TMEM267: variants seen among roughly 807,000 people sequenced by gnomAD.
TMEM267 encodes transmembrane protein 267.
In TMEM267, 20 loss-of-function variants were observed where a neutral mutation model predicts 19.3. The observed-to-expected ratio is 1.04, with a 90% CI of 0.73 to 1.51. The LOEUF (loss-of-function observed/expected upper bound fraction) is 1.51, where lower values mean the gene tolerates loss of function less well. Ranked by LOEUF, TMEM267 falls within the 40% of genes most tolerant of loss-of-function variation. The pLI is 0.00. For synonymous variants in TMEM267, 88 were observed against 90.3 expected, an observed-to-expected ratio of 0.97 and a Z score of 0.15; for missense variants, 242 against 261.9, an observed-to-expected ratio of 0.92 and a Z score of 0.52.
chr5:43,478,064 C>A (rs1744533166), intron 1 of TMEM267, among the ~76,000 whole-genome samples: 1 of 152,190 alleles, frequency 6.6e-6, no homozygotes, highest in Non-Finnish European at 1.5e-5. Flanking sequence ...TGGGTTCTAT[C>A]TTCCTTCACA....
At chr5:43,462,480 T>G (rs1743327679) in intron 1 of TMEM267, among the ~76,000 whole-genome samples, 1 of 152,114 alleles carries the variant, frequency 6.6e-6, no homozygotes, top group Admixed American at 6.6e-5. Flanking sequence ...GATATGTGAC[T>G]TTTCAGACAG....
intron 1 of TMEM267, among the ~76,000 whole-genome samples, chr5:43,454,786 C>T (rs529888848): frequency 6.6e-6 from 1 of 152,272 alleles, no homozygotes; most frequent in South Asian, 2.1e-4. Context: ...ATTTCTGATG[C>T]CTTGAACCAA....
Position 43,446,249 on chromosome 5 carries a change from T to C in TMEM267, c.621A>G (p.Ser207=), listed in dbSNP as rs1742228304. ...AGACATCAATACGAACTCCATGTTTTGAAGACATCATTTGTCTGGTTCCTG... is the reference window on the plus strand; with the variant it reads ...AGACATCAATACGAACTCCATGTTTCGAAGACATCATTTGTCTGGTTCCTG... The part of the protein sequence containing the change: ...YLTGTRQMMS[S]KHGVRIDV The change falls in exon 3 of 3, where the codon TCA becomes TCG. Residue 207 remains serine, a synonymous_variant. Transcript: ENST00000397080. 2 of 1,612,740 alleles carry C rather than the reference T, an allele frequency of 1.2e-6. No individual in the cohort carries two copies. The highest frequency in any genetic ancestry group is 1.7e-6 in the Non-Finnish European group (2 of 1,178,920).
intron 1 of TMEM267, among the ~76,000 whole-genome samples, chr5:43,454,786 C>G (rs529888848): frequency 3.3e-5 from 5 of 152,156 alleles, no homozygotes; most frequent in African/African-American, 9.6e-5. Context: ...ATTTCTGATG[C>G]CTTGAACCAA....
intron 1 of TMEM267, among the ~76,000 whole-genome samples, chr5:43,465,343 G>C (rs1743586502): frequency 6.6e-6 from 1 of 152,158 alleles, no homozygotes; most frequent in Admixed American, 6.5e-5. Flanking sequence ...GGAGAAATAG[G>C]GACACTTTTA....
chr5:43,476,546 A>G (rs1034774640), intron 1 of TMEM267, among the ~76,000 whole-genome samples: 1 of 132,162 alleles, frequency 7.6e-6, no homozygotes, highest in Non-Finnish European at 1.6e-5. Flanking sequence ...TTGCATAAGA[A>G]GACAACACTG....
At chr5:43,463,082 T>G (rs1000550329) in intron 1 of TMEM267, among the ~76,000 whole-genome samples, 3 of 151,680 alleles carry the variant, frequency 2.0e-5, no homozygotes, top group Non-Finnish European at 2.9e-5. Context: ...ATCAAATAGA[T>G]GCAATAAAAA....
intron 1 of TMEM267, among the ~76,000 whole-genome samples, chr5:43,459,627 GATAAA>G (rs923404618): frequency 7.2e-5 from 11 of 152,078 alleles, no homozygotes; most frequent in African/African-American, 2.7e-4. Flanking sequence ...AACTGAAAAG[GATAAA>G]ATATTCACAT....
intron 1 of TMEM267, among the ~76,000 whole-genome samples, chr5:43,482,713 T>C (rs6451706): frequency 0.61 from 93,034 of 152,032 alleles, 31,171 homozygotes; most frequent in African/African-American, 0.89. Context: ...GCAGAAGCCA[T>C]TTTCTGCAAT....
At chr5:43,462,206 C>A (rs1351692425) in intron 1 of TMEM267, among the ~76,000 whole-genome samples, 1 of 152,198 alleles carries the variant, frequency 6.6e-6, no homozygotes, top group Non-Finnish European at 1.5e-5. Flanking sequence ...TATGAGTCTG[C>A]AAGAACCACA....
chr5:43,463,584 C>CCCCACCATGATCCAG (rs1410384204), intron 1 of TMEM267, among the ~76,000 whole-genome samples: 1 of 152,166 alleles, frequency 6.6e-6, no homozygotes, highest in East Asian at 1.9e-4. Flanking sequence ...CAAAAATCCA[C>CCCCACCATGATCCAG]CCCACCATGA....
rs769026206 is a variant in TMEM267 at position 43,453,936 on chromosome 5, G to C, written c.34C>G (p.Leu12Val). ...ASETEKTHAL[L>V]QTCSTESLIS... ...AGAGATTCAGTGCTACAAGTCTGCA[G>C]TAAAGCATGGGTCTTTTCAGTCTCG... The change falls in exon 2 of 3, where the codon CTG becomes GTG. Residue 12 changes from leucine to valine, a missense_variant. By Grantham distance (32) the Leu-to-Val change is conservative. Transcript: ENST00000397080. The C allele has an allele frequency of 1.9e-6, 3 of 1,613,906 alleles. No homozygotes were observed. The African/African-American group carries it at 4.0e-5, about 22-fold the overall frequency.
chr5:43,460,743 G>C (rs1743210174), intron 1 of TMEM267, among the ~76,000 whole-genome samples: 1 of 152,224 alleles, frequency 6.6e-6, no homozygotes, highest in Admixed American at 6.5e-5. Context: ...ACTAAACTCA[G>C]TTGATGTCCA....
At chr5:43,451,892 T>C (rs181006081) in intron 2 of TMEM267, among the ~76,000 whole-genome samples, 3 of 151,724 alleles carry the variant, frequency 2.0e-5, no homozygotes, top group African/African-American at 7.3e-5. Flanking sequence ...CTGGGCAACA[T>C]AGGGAGACCC....
chr5:43,446,333 C>T lies in TMEM267; in HGVS notation c.537G>A (p.Trp179Ter), dbSNP rs752633432. Residue 179 changes from tryptophan (W) to a stop codon, truncating the protein, a stop_gained, in exon 3 of 3, where the codon TGG becomes TGA. Coordinates refer to ENST00000397080, the MANE Select transcript of TMEM267 (RefSeq NM_022483.5). LOFTEE classifies it high-confidence loss of function. ...AAGATGATGTGATTATTACATAAAG[C>T]CAGAATGGCAAAGGAGAAGTTTTTC... ...PFGKTSPLPF[W>*]LYVIITSSLP... 1.2e-6 allele frequency: 2 copies of T among 1,613,840 alleles called. No homozygotes were observed. Among genetic ancestry groups the T allele is most frequent in the Non-Finnish European group, 1.7e-6 (2 of 1,179,792 alleles).
At chr5:43,467,276 A>G (rs1313838447) in intron 1 of TMEM267, among the ~76,000 whole-genome samples, 1 of 152,186 alleles carries the variant, frequency 6.6e-6, no homozygotes, top group African/African-American at 2.4e-5. Context: ...AAATTCTCTA[A>G]TCAAAAGCCA....
intron 1 of TMEM267, among the ~76,000 whole-genome samples, chr5:43,462,231 G>C (rs1175413954): frequency 2.6e-5 from 4 of 152,172 alleles, no homozygotes; most frequent in Non-Finnish European, 5.9e-5. Context: ...TACTGGGCTT[G>C]GAGTGCCCTC....
chr5:43,480,391 G>A (rs1579837965), intron 1 of TMEM267, among the ~76,000 whole-genome samples: 1 of 152,174 alleles, frequency 6.6e-6, no homozygotes, highest in East Asian at 1.9e-4. Context: ...CTAGGTCACT[G>A]TAGCCTCTAA....
intron 1 of TMEM267, among the ~76,000 whole-genome samples, chr5:43,454,978 T>A (rs1742859099): frequency 6.6e-6 from 1 of 152,224 alleles, no homozygotes; most frequent in Non-Finnish European, 1.5e-5. Flanking sequence ...GATTTATTGA[T>A]AATGACTCAA....
Sources: allele counts gnomAD v4.1 joint callset (sites outside exome capture counted in the v4.1 genomes callset), GRCh38; gene constraint gnomAD v4.1.1; transcripts MANE v1.5; gene names NCBI Gene and HGNC (gene_info 2026-07-23, HGNC 2026-07-21).